Variants in COX7A2L observed in about 807,000 individuals in gnomAD.
COX7A2L encodes the protein cytochrome c oxidase subunit 7A2-like, mitochondrial.
Under a neutral mutation model 14.2 loss-of-function variants are expected in COX7A2L, and 18 were observed. The ratio of observed to expected loss-of-function variants is 1.27; its 90% CI spans 0.88 to 1.88. The LOEUF (loss-of-function observed/expected upper bound fraction) is 1.88. Ranked by LOEUF, COX7A2L falls within the 40% of genes most tolerant of loss-of-function variation. The pLI is 0.00. For synonymous variants in COX7A2L, 65 were observed against 57.4 expected, an observed-to-expected ratio of 1.13 and a Z score of -0.60; for missense variants, 179 against 138.8, an observed-to-expected ratio of 1.29 and a Z score of -1.46.
At chr2:42,354,237 T>C (rs1670744168) in intron 1 of COX7A2L, among the ~76,000 whole-genome samples, 1 of 152,206 alleles carries the variant, frequency 6.6e-6, no homozygotes, top group Non-Finnish European at 1.5e-5. Context: ...GCAACTTGTA[T>C]GCTATGTAAA....
Position 42,349,917 on chromosome 2 carries a change from A to T in COX7A2L, c.*1302T>A, listed in dbSNP as rs963396049. The T allele has an allele frequency of 6.6e-6, 1 of 152,224 alleles. No individual in the cohort carries two copies. Among genetic ancestry groups the T allele is most frequent in the Non-Finnish European group, 1.5e-5 (1 of 68,050 alleles). The allele number at this position is 152,224 out of a possible 1,614,324, so 9.4% of individuals were successfully genotyped here. On this transcript the variant is annotated 3_prime_UTR_variant, in exon 3 of 3. Coordinates refer to ENST00000234301, the MANE Select transcript of COX7A2L (RefSeq NM_004718.4). ...GTGCCTGTGTGAGAGAACAAGAAAA[A>T]GCAAAGGTGCCAATATATTGATAAC...
At chr2:42,343,157 G>T (rs891934812) in intron 2 of COX7A2L, among the ~76,000 whole-genome samples, 1 of 152,148 alleles carries the variant, frequency 6.6e-6, no homozygotes, top group African/African-American at 2.4e-5. Flanking sequence ...TCCCAGAACA[G>T]CAGCCACAGC....
At chr2:42,361,585 G>A, upstream of COX7A2L, 1 of 162,326 alleles carries the variant, frequency 6.2e-6, no homozygotes, top group South Asian at 1.4e-4. Flanking sequence ...GGGGGGGAGA[G>A]GGCGGTGATT....
Position 42,338,480 on chromosome 2 carries a change from T to C in COX7A2L, c.193-4611A>G, listed in dbSNP as rs1430976962. Reference sequence around the variant, plus strand: ...GCTATGCTGGCAAGATCTGTGTTGATGTGGCCTGCCATGTGCTGCCCGTGA... The same window carrying C: ...GCTATGCTGGCAAGATCTGTGTTGACGTGGCCTGCCATGTGCTGCCCGTGA... On this transcript the variant is annotated intron_variant, in intron 2 of 2. Coordinates refer to the COX7A2L transcript ENST00000468711. This position sits in a 1 kb window ranked among gnomAD's most constrained non-coding sequence, Gnocchi z 4.4. Among the ~76,000 whole-genome samples, 2 of 152,182 alleles carry C rather than the reference T, an allele frequency of 1.3e-5. No individual in the cohort carries two copies. Among genetic ancestry groups the C allele is most frequent in the African/African-American group, 2.4e-5 (1 of 41,454 alleles).
At chr2:42,358,984 T>C (rs954367458) in intron 1 of COX7A2L, 4 of 152,038 alleles carry the variant, frequency 2.6e-5, no homozygotes, top group African/African-American at 9.6e-5. Context: ...TTTAAAAAAA[T>C]AAATAAAAGA....
chr2:42,344,711 C>A (rs1003443316), downstream of COX7A2L, among the ~76,000 whole-genome samples: 8 of 152,028 alleles, frequency 5.3e-5, no homozygotes, highest in African/African-American at 1.7e-4. Flanking sequence ...AATTAGCCCA[C>A]GTTGTGGCAA....
intron 1 of COX7A2L, among the ~76,000 whole-genome samples, chr2:42,366,833 G>C (rs144511507): frequency 6.6e-6 from 1 of 151,912 alleles, no homozygotes; most frequent in East Asian, 1.9e-4. Flanking sequence ...TCTCTCTCTT[G>C]TTCTTCCCTC....
At chr2:42,353,637 C>A (rs2103894065) in intron 1 of COX7A2L, among the ~76,000 whole-genome samples, 1 of 152,292 alleles carries the variant, frequency 6.6e-6, no homozygotes, top group African/African-American at 2.4e-5. Context: ...CATGAGGGAT[C>A]TGTCTGCCAT....
intron 1 of COX7A2L, among the ~76,000 whole-genome samples, chr2:42,354,470 G>T (rs1200508174): frequency 1.3e-5 from 2 of 152,088 alleles, no homozygotes; most frequent in Non-Finnish European, 2.9e-5. Context: ...TTCAAACCCA[G>T]CCTTTTCCTT....
intron 1 of COX7A2L, chr2:42,360,115 C>T (rs758826261): frequency 6.6e-6 from 1 of 152,234 alleles, no homozygotes; most frequent in Non-Finnish European, 1.5e-5. Flanking sequence ...GTATCCTTTA[C>T]ACCTCATCTG....
chr2:42,352,318 T>A (rs569943127), intron 2 of COX7A2L, among the ~76,000 whole-genome samples: 1 of 152,052 alleles, frequency 6.6e-6, no homozygotes, highest in South Asian at 2.1e-4. Flanking sequence ...TACAGACGCG[T>A]GCCTATACAC....
downstream of COX7A2L, among the ~76,000 whole-genome samples, chr2:42,347,252 A>T (rs1042742330): frequency 3.9e-5 from 6 of 152,050 alleles, no homozygotes; most frequent in Non-Finnish European, 8.8e-5. Context: ...ATGTAGACAA[A>T]GGTAAAAAGA....
At chr2:42,368,522 GACCTTGTTA>G (rs1394556535) in intron 1 of COX7A2L, among the ~76,000 whole-genome samples, 1 of 152,068 alleles carries the variant, frequency 6.6e-6, no homozygotes, top group Non-Finnish European at 1.5e-5. Context: ...GTGCAATGAG[GACCTTGTTA>G]ACCCAGTGAA....
chr2:42,345,888 C>G (rs1158376129), downstream of COX7A2L, among the ~76,000 whole-genome samples: 1 of 152,260 alleles, frequency 6.6e-6, no homozygotes, highest in African/African-American at 2.4e-5. Flanking sequence ...TTAACAGCAT[C>G]TCATCCAGAC....
intron 1 of COX7A2L, among the ~76,000 whole-genome samples, chr2:42,355,910 G>C (rs534180822): frequency 9.2e-5 from 14 of 151,964 alleles, no homozygotes; most frequent in Admixed American, 9.2e-4. Context: ...ATTTTTCATA[G>C]AGACTGGGTT....
At position 42,351,166 on chromosome 2, in the gene COX7A2L, A is replaced by G; in HGVS notation, c.*53T>C. ...AAAAATTTTAATTTAACAATGAAAA[A>G]GGAACTTCAAAGGGTTTATGCCAAA... On this transcript the variant is annotated 3_prime_UTR_variant, in exon 3 of 3. Transcript: ENST00000234301. 4 of 1,505,644 alleles carry G rather than the reference A, an allele frequency of 2.7e-6. No homozygotes were observed. The allele number at this position is 1,505,644 out of a possible 1,614,324, so 93.3% of individuals were successfully genotyped here. A position where few individuals can be genotyped will look rare whatever the true frequency, so the allele number is the denominator to read the frequency against.
At chr2:42,360,936 A>G (rs1671010917) in intron 1 of COX7A2L, 154 bp downstream of exon 1, 1 of 744,768 alleles carries the variant, frequency 1.3e-6, no homozygotes, top group Admixed American at 2.3e-5. Context: ...TGACCACCGT[A>G]CGCTGGTGTG....
At position 42,342,125 on chromosome 2, in the gene COX7A2L, G is replaced by C. The variant is rs1670414239; in HGVS notation, c.193-8256C>G. ...CGAGGCACTTCCGGAACTGGTGCCA[G>C]GTCTTCCTATGAGAGGCTGAGCTGA... On this transcript the variant is annotated intron_variant, in intron 2 of 2. Coordinates refer to the COX7A2L transcript ENST00000468711. This position sits in a 1 kb window ranked among gnomAD's most constrained non-coding sequence, Gnocchi z 4.9. Among the ~76,000 whole-genome samples the C allele has an allele frequency of 6.6e-6, 1 of 152,150 alleles. No individual in the cohort carries two copies. Among genetic ancestry groups the C allele is most frequent in the Admixed American group, 6.5e-5 (1 of 15,278 alleles).
chr2:42,336,038 C>T (rs1670263270), intron 2 of COX7A2L, among the ~76,000 whole-genome samples: 1 of 152,210 alleles, frequency 6.6e-6, no homozygotes, highest in Non-Finnish European at 1.5e-5. Flanking sequence ...CAATTTAAAC[C>T]TATTGGTGTG....
Sources: allele counts gnomAD v4.1 joint callset (sites outside exome capture counted in the v4.1 genomes callset), GRCh38; gene constraint gnomAD v4.1.1; non-coding constraint Gnocchi (gnomAD v3.1); transcripts MANE v1.5; gene names NCBI Gene and HGNC (gene_info 2026-07-23, HGNC 2026-07-21).